Variants in NFX1 observed in about 807,000 individuals in gnomAD.
The protein encoded by NFX1 is nuclear transcription factor, X-box binding 1, also known as transcriptional repressor NF-X1.
In NFX1, 69 loss-of-function variants were observed where a neutral mutation model predicts 137.2. The observed-to-expected ratio is 0.50, with a 90% CI of 0.41 to 0.61. The LOEUF is 0.61. Ranked by LOEUF, NFX1 falls within the 20% of genes least tolerant of loss-of-function variation. The pLI is 0.00. For synonymous variants in NFX1, 495 were observed against 474.1 expected, an observed-to-expected ratio of 1.04 and a Z score of -0.57; for missense variants, 1,167 against 1,391.0, an observed-to-expected ratio of 0.84 and a Z score of 2.56.
chr9:33,351,480 A>G lies in NFX1; in HGVS notation c.2425-80A>G, dbSNP rs898353135. 2.2e-6 allele frequency: 3 copies of G among 1,357,308 alleles called. No individual in the cohort carries two copies. The African/African-American group carries it at 4.3e-5, about 19-fold the overall frequency. 84.1% of individuals were successfully genotyped at this position (1,357,308 alleles called of 1,614,324 possible). A position where few individuals can be genotyped will look rare whatever the true frequency, so the allele number is the denominator to read the frequency against. On this transcript the variant is annotated intron_variant, in intron 15 of 23. Transcript: ENST00000379540. ...CAAAACCAAACCCTGCCATAAGCTT[A>G]GAAATGTTTAAAGAGAAAGTTAAAA...
At chr9:33,352,506 A>G in intron 16 of NFX1, 140 bp from the exon 17 acceptor site, 1 of 735,120 alleles carries the variant, frequency 1.4e-6, no homozygotes, top group Non-Finnish European at 2.5e-6. Flanking sequence ...ATGTGTGGTT[A>G]GCTTCTTCCA....
At chr9:33,351,237 C>T (rs1054449530) in intron 15 of NFX1, among the ~76,000 whole-genome samples, 1 of 152,070 alleles carries the variant, frequency 6.6e-6, no homozygotes, top group Non-Finnish European at 1.5e-5. Flanking sequence ...GCGGGTGGAT[C>T]GCTTCCACTC....
chr9:33,291,731 G>C (rs888226915), intron 1 of NFX1, among the ~76,000 whole-genome samples: 1 of 152,122 alleles, frequency 6.6e-6, no homozygotes, highest in African/African-American at 2.4e-5. Flanking sequence ...GTGAAACCCC[G>C]TCTCTACTAA....
At chr9:33,363,928 A>G (rs1031578092) in intron 19 of NFX1, 82 bp from the exon 20 acceptor site, 3 of 799,088 alleles carry the variant, frequency 3.8e-6, no homozygotes, top group Non-Finnish European at 3.9e-6. Flanking sequence ...TAAAGAATTT[A>G]GGATATAGTA....
intron 14 of NFX1, among the ~76,000 whole-genome samples, chr9:33,346,463 T>C (rs1434659387): frequency 1.3e-5 from 2 of 152,166 alleles, no homozygotes; most frequent in African/African-American, 4.8e-5. Flanking sequence ...TCAATACACA[T>C]GATACAACCA....
intron 2 of NFX1, among the ~76,000 whole-genome samples, chr9:33,300,959 A>C (rs185532901): frequency 2.0e-5 from 3 of 152,334 alleles, no homozygotes; most frequent in East Asian, 1.9e-4. Context: ...TGTATTGCCC[A>C]GTGGATCCTC....
intron 3 of NFX1, 91 bp from the exon 4 acceptor site, chr9:33,303,100 A>G (rs1392860726): frequency 4.2e-6 from 4 of 957,418 alleles, no homozygotes; most frequent in Non-Finnish European, 6.7e-6. Flanking sequence ...CACTACTTCA[A>G]TATTGTGTCT....
Position 33,318,809 on chromosome 9 carries a change from G to C in NFX1, c.1667G>C (p.Ser556Thr). Residue 556 changes from serine (S) to threonine (T), a missense_variant, in exon 8 of 24, where the codon AGC becomes ACC. Ser to Thr is a moderately conservative substitution (Grantham distance 58, BLOSUM62 1). Coordinates refer to ENST00000379540, the MANE Select transcript of NFX1 (RefSeq NM_002504.6). ...AAGTCTGATGGATTTGGGGATTTCAGCTGTTTAAAGATATGTGGCAAGTAA... is the reference window on the plus strand; with the variant it reads ...AAGTCTGATGGATTTGGGGATTTCACCTGTTTAAAGATATGTGGCAAGTAA... Reference protein sequence around the residue: ...VGKSDGFGDFSCLKICGKDLK... With the variant: ...VGKSDGFGDFTCLKICGKDLK... The C allele has an allele frequency of 1.9e-6, 3 of 1,614,222 alleles. No individual in the cohort carries two copies. The highest frequency in any genetic ancestry group is 2.5e-6 in the Non-Finnish European group (3 of 1,180,040).
rs1258253073 is a variant in NFX1, at chr9:33,319,213, G to A, written c.1906+86G>A. On this transcript the variant is annotated intron_variant, in intron 9 of 23. Coordinates refer to ENST00000379540, the MANE Select transcript of NFX1 (RefSeq NM_002504.6). ...GTGTTTAAGCAATGTAGAAGTAAGT[G>A]CTAGTTACAATATCAGAGGTTTCTA... The A allele has an allele frequency of 4.5e-6, 5 of 1,116,086 alleles. No individual in the cohort carries two copies. The African/African-American group carries it at 6.2e-5, about 14-fold the overall frequency. 69.1% of individuals were successfully genotyped at this position (1,116,086 alleles called of 1,614,324 possible). A position where few individuals can be genotyped will look rare whatever the true frequency, so the allele number is the denominator to read the frequency against.
Position 33,344,022 on chromosome 9 carries a change from T to C in NFX1, c.2225-47T>C, listed in dbSNP as rs779359597. On this transcript the variant is annotated intron_variant, in intron 13 of 23. Transcript: ENST00000379540. ...GTGTGTGTTAGTATGTACTTGCACA[T>C]CCCAAACTCAGAAAGGATTCTTTTG... 5 of 1,612,084 alleles carry C rather than the reference T, an allele frequency of 3.1e-6. No homozygotes were observed. In the East Asian group the frequency reaches 1.1e-4, roughly 36 times the overall value.
chr9:33,354,510 C>T (rs747075322), intron 18 of NFX1, among the ~76,000 whole-genome samples: 18 of 152,176 alleles, frequency 1.2e-4, no homozygotes, highest in Non-Finnish European at 1.5e-4. Flanking sequence ...TTAAGAGGGG[C>T]ACCTGTGGAG....
At chr9:33,313,531 G>A (rs1416000712) in intron 6 of NFX1, 123 bp from the exon 7 acceptor site, 5 of 837,100 alleles carry the variant, frequency 6.0e-6, no homozygotes, top group Non-Finnish European at 9.4e-6. Context: ...AAAAAGTGAG[G>A]GAAATGAAGT....
intron 5 of NFX1, among the ~76,000 whole-genome samples, chr9:33,310,720 A>T (rs1821932401): frequency 6.6e-6 from 1 of 152,000 alleles, no homozygotes. Context: ...CTTTGCTTAG[A>T]CTCTGATCTT....
At chr9:33,324,357 C>G (rs760371386) in intron 9 of NFX1, among the ~76,000 whole-genome samples, 1 of 151,930 alleles carries the variant, frequency 6.6e-6, no homozygotes, top group Non-Finnish European at 1.5e-5. Context: ...CCAGCCTGGA[C>G]GAGGGAGTAA....
intron 7 of NFX1, among the ~76,000 whole-genome samples, chr9:33,315,056 G>A (rs1248521439): frequency 6.6e-6 from 1 of 151,974 alleles, no homozygotes; most frequent in African/African-American, 2.4e-5. Context: ...TCTAGAAATG[G>A]AACAGAAGAA....
chr9:33,367,446 T>G, intron 22 of NFX1, 69 bp from the exon 23 acceptor site: 1 of 1,527,486 alleles, frequency 6.5e-7, no homozygotes, highest in Non-Finnish European at 9.0e-7. Context: ...AGGGCTGAGT[T>G]TCTAGCTTTC....
intron 1 of NFX1, among the ~76,000 whole-genome samples, chr9:33,292,797 C>G (rs1217422630): frequency 1.3e-5 from 2 of 152,230 alleles, no homozygotes; most frequent in Non-Finnish European, 2.9e-5. Context: ...CTAGGCTTCT[C>G]TAGACATCTT....
chr9:33,308,421 A>G (rs182788136), intron 5 of NFX1, among the ~76,000 whole-genome samples: 1 of 152,226 alleles, frequency 6.6e-6, no homozygotes, highest in African/African-American at 2.4e-5. Context: ...CAGCCTGGGC[A>G]ACAAAGCAAG....
chr9:33,354,232 C>T (rs776599276), intron 18 of NFX1, 45 bp downstream of exon 18: 8 of 1,445,578 alleles, frequency 5.5e-6, no homozygotes, highest in Non-Finnish European at 7.7e-6. Context: ...TTCAATTAGA[C>T]TTCAATTAGA....
Sources: allele counts gnomAD v4.1 joint callset (sites outside exome capture counted in the v4.1 genomes callset), GRCh38; gene constraint gnomAD v4.1.1; transcripts MANE v1.5; gene names NCBI Gene and HGNC (gene_info 2026-07-23, HGNC 2026-07-21).